The following DOT1L variants were observed in gnomAD, a reference collection of about 807,000 sequenced individuals.
DOT1L encodes histone-lysine N-methyltransferase, H3 lysine-79 specific.
DOT1L carries 33 observed loss-of-function variants against 153.3 expected under a neutral mutation model. The observed-to-expected ratio is 0.22, with a 90% confidence interval of 0.16 to 0.29. DOT1L has a LOEUF of 0.29. Ranked by LOEUF, DOT1L falls within the 10% of genes least tolerant of loss-of-function variation. The pLI, the probability that DOT1L is intolerant of heterozygous loss-of-function variation, is 1.00. For missense variants in DOT1L, 1,847 were observed against 2,119.9 expected (o/e 0.87, Z 2.53); for synonymous variants, 1,135 against 965.1 (o/e 1.18, Z -3.26).
chr19:2,214,708 G>A, intron 19 of DOT1L, 112 bp downstream of exon 19: 1 of 1,456,906 alleles, frequency 6.9e-7, no homozygotes, highest in South Asian at 1.4e-5. Context: ...GGAAGAAGGT[G>A]GAGGAGGACA....
chr19:2,181,509 T>C (rs2022230221), intron 2 of DOT1L, among the ~76,000 whole-genome samples: 1 of 152,094 alleles, frequency 6.6e-6, no homozygotes, highest in East Asian at 1.9e-4. Context: ...TGTAGTTCAG[T>C]GTTGGGGCCC....
chr19:2,203,246 C>T (rs1292630597), intron 9 of DOT1L, among the ~76,000 whole-genome samples: 2 of 152,206 alleles, frequency 1.3e-5, no homozygotes, highest in South Asian at 4.1e-4. Context: ...ATTACAGGCA[C>T]ATGCCACCAT....
intron 18 of DOT1L, chr19:2,214,215 C>T (rs548219864): frequency 1.1e-6 from 1 of 885,456 alleles, no homozygotes; most frequent in South Asian, 1.8e-5. Flanking sequence ...GAGCCACACT[C>T]TGGCAGGCTC....
Position 2,208,860 on chromosome 19 carries a change from T to G in DOT1L, c.964-75T>G. On this transcript the variant is annotated intron_variant, in intron 11 of 27. Coordinates refer to ENST00000398665, the MANE Select transcript of DOT1L (RefSeq NM_032482.3). The surrounding 1 kb of genome is among the most constrained non-coding windows in gnomAD (Gnocchi z 4.4). ...CCAGCCACTGTCCAGGTTGCTGTTG[T>G]TACCTGGGTGTCCAGACAAATCCGA... is the stretch of plus-strand genomic sequence containing the variant. 2.0e-6 allele frequency: 3 copies of G among 1,499,268 alleles called. No individual in the cohort carries two copies. The highest frequency in any genetic ancestry group is 1.8e-6 in the Non-Finnish European group (2 of 1,090,836). The allele number at this position is 1,499,268 out of a possible 1,614,324, so 92.9% of individuals were successfully genotyped here.
chr19:2,196,198 C>T (rs1431375848), intron 7 of DOT1L, among the ~76,000 whole-genome samples: 1 of 152,264 alleles, frequency 6.6e-6, no homozygotes, highest in Non-Finnish European at 1.5e-5. Flanking sequence ...TGTCAGGGTG[C>T]AGGGCCCCGA....
chr19:2,196,574 G>A (rs1383678665), intron 7 of DOT1L, among the ~76,000 whole-genome samples: 3 of 152,096 alleles, frequency 2.0e-5, no homozygotes, highest in Admixed American at 1.3e-4. Context: ...CTCGTGATCC[G>A]CCTGCCTCTG....
intron 18 of DOT1L, chr19:2,214,240 T>C (rs1468795987): frequency 1.1e-5 from 10 of 879,032 alleles, no homozygotes; most frequent in Admixed American, 2.9e-5. Context: ...TGTGGGGTCA[T>C]GCGAGCATCC....
At chr19:2,184,506 G>T (rs1356511893) in intron 2 of DOT1L, among the ~76,000 whole-genome samples, 2 of 152,082 alleles carry the variant, frequency 1.3e-5, no homozygotes, top group Non-Finnish European at 2.9e-5. Flanking sequence ...GAAGCTGCCC[G>T]CTGGACTTAG....
At position 2,182,291 on chromosome 19, in the gene DOT1L, C is replaced by T. The variant is rs530702989; in HGVS notation, c.125+1535C>T. 7.2e-5 allele frequency among the ~76,000 whole-genome samples: 11 copies of T among 152,190 alleles called. No homozygotes were observed. In the East Asian group the frequency reaches 1.9e-3, roughly 27 times the overall value. ...GGCATGGTGGCTCACACCTGGAATCCCAGTGCTTTGAGAGGCTGGGAGGGT... is the reference window on the plus strand; with the variant it reads ...GGCATGGTGGCTCACACCTGGAATCTCAGTGCTTTGAGAGGCTGGGAGGGT... On this transcript the variant is annotated intron_variant, in intron 2 of 27. Transcript: ENST00000398665.
At position 2,188,976 on chromosome 19, in the gene DOT1L, C is replaced by T. The variant is rs117592867; in HGVS notation, c.201-756C>T. ...GGTGCCCCCTGCCCTCTGGTGGGCT[C>T]TGCCCCGATGCTGTTGGGTTGTGGG... On this transcript the variant is annotated intron_variant, in intron 3 of 27. Coordinates refer to ENST00000398665, the MANE Select transcript of DOT1L (RefSeq NM_032482.3). Among the ~76,000 whole-genome samples, 11 of 152,346 alleles carry T rather than the reference C, an allele frequency of 7.2e-5. No homozygotes were observed. In the East Asian group the frequency reaches 2.1e-3, roughly 29 times the overall value.
rs1226894519 is a variant in DOT1L at position 2,197,958 on chromosome 19, C to T, written c.652-1926C>T. Among the ~76,000 whole-genome samples the T allele has an allele frequency of 2.6e-5, 4 of 152,242 alleles. No individual in the cohort carries two copies. Among genetic ancestry groups the T allele is most frequent in the African/African-American group, 4.8e-5 (2 of 41,470 alleles). ...TCTCTGTGGCTTTGCCTGTGCTCCA[C>T]TTGGGAGGCTCCAAGTCCTCCCGCC... On this transcript the variant is annotated intron_variant, in intron 7 of 27. Coordinates refer to ENST00000398665, the MANE Select transcript of DOT1L (RefSeq NM_032482.3). The surrounding 1 kb of genome is among the most constrained non-coding windows in gnomAD (Gnocchi z 4.1).
At chr19:2,201,015 A>ATTCCTCGTCCTCCCCGCG in intron 8 of DOT1L, among the ~76,000 whole-genome samples, 1 of 104,892 alleles carries the variant, frequency 9.5e-6, no homozygotes, top group Non-Finnish European at 1.9e-5. Flanking sequence ...TCCTCCCCGC[A>ATTCCTCGTCCTCCCCGCG]TTCCTCGTCC....
chr19:2,210,119 C>G (rs780279602), intron 12 of DOT1L, among the ~76,000 whole-genome samples: 1 of 152,206 alleles, frequency 6.6e-6, no homozygotes, highest in African/African-American at 2.4e-5. Context: ...TTCTTTTTCT[C>G]TGTGGCTCAC....
intron 27 of DOT1L, 88 bp downstream of exon 27, chr19:2,227,215 A>G: frequency 6.6e-7 from 1 of 1,520,032 alleles, no homozygotes; most frequent in African/African-American, 1.4e-5. Context: ...ACTCTCTTGC[A>G]GCAGGAGCTG....
intron 1 of DOT1L, among the ~76,000 whole-genome samples, chr19:2,165,549 G>T (rs1252232148): frequency 6.6e-6 from 1 of 152,244 alleles, no homozygotes; most frequent in Non-Finnish European, 1.5e-5. Flanking sequence ...GAGGTCCTAG[G>T]ACAAAAACTG....
chr19:2,184,171 G>C (rs1443885377), intron 2 of DOT1L, among the ~76,000 whole-genome samples: 1 of 152,116 alleles, frequency 6.6e-6, no homozygotes, highest in Non-Finnish European at 1.5e-5. Flanking sequence ...TGGACAGTGT[G>C]ATGAGAAGTG....
intron 13 of DOT1L, 55 bp downstream of exon 13, chr19:2,210,565 G>C (rs986670227): frequency 6.3e-7 from 1 of 1,591,646 alleles, no homozygotes; most frequent in Non-Finnish European, 8.6e-7. Flanking sequence ...CTGCCCGGGA[G>C]ACCCCATGGG....
rs569543989 is a variant in DOT1L, at chr19:2,194,414, G to A, written c.589-101G>A. 112 of 1,300,316 alleles carry A rather than the reference G, an allele frequency of 8.6e-5. 1 individual carries two copies. The South Asian group carries it at 1.2e-3, about 14-fold the overall frequency. The allele number at this position is 1,300,316 out of a possible 1,614,324, so 80.5% of individuals were successfully genotyped here. Reference sequence around the variant, plus strand: ...TCGCAATCTCCTGACCTCATGATCCGCCCTCCTCAGCCTCCCAAAGTGCCG... The same window carrying A: ...TCGCAATCTCCTGACCTCATGATCCACCCTCCTCAGCCTCCCAAAGTGCCG... On this transcript the variant is annotated intron_variant, in intron 6 of 27. Transcript: ENST00000398665.
In DOT1L at chr19:2,191,065, C is replaced by A. The variant is rs1004128160; in HGVS notation, c.318C>A (p.Leu106=). ...MKLNTRPSTG[L]LRHILQQVYN... ...TGAACACGCGGCCGTCCACTGGACT[C>A]CTGCGCCATATCCTGCAGCAGGTCT... Residue 106 remains leucine, a synonymous_variant, in exon 5 of 28, where the codon CTC becomes CTA. Coordinates refer to ENST00000398665, the MANE Select transcript of DOT1L (RefSeq NM_032482.3). This position sits in a 1 kb window ranked among gnomAD's most constrained non-coding sequence, Gnocchi z 6.8. 6 of 1,611,856 alleles carry A rather than the reference C, an allele frequency of 3.7e-6. No homozygotes were observed. The African/African-American group carries it at 8.0e-5, about 22-fold the overall frequency.
Sources: gnomAD v4.1 joint callset for allele counts (sites outside exome capture counted in the v4.1 genomes callset) on GRCh38, gnomAD v4.1.1 for gene constraint, Gnocchi (gnomAD v3.1) non-coding constraint, MANE v1.5 for transcripts, NCBI Gene and HGNC (gene_info 2026-07-23, HGNC 2026-07-21) for gene names.